CTNNA2: variants seen among roughly 807,000 people sequenced by gnomAD.
CTNNA2 encodes catenin alpha-2.
CTNNA2 carries 42 observed loss-of-function variants against 101.0 expected under a neutral mutation model. The observed-to-expected ratio is 0.42, with a 90% CI of 0.32 to 0.54. The LOEUF (loss-of-function observed/expected upper bound fraction) is 0.54. Ranked by LOEUF, CTNNA2 falls within the 20% of genes least tolerant of loss-of-function variation. The probability of loss-of-function intolerance (pLI) is 0.14; values close to 1 mark genes in which losing one functional copy is unlikely to be tolerated. For missense variants in CTNNA2, 871 were observed against 1,223.1 expected (o/e 0.71, Z 4.29); for synonymous variants, 450 against 456.4 (o/e 0.99, Z 0.18).
chr2:79,623,667 G>C (rs892258321), intron 1 of CTNNA2, among the ~76,000 whole-genome samples: 7 of 152,148 alleles, frequency 4.6e-5, no homozygotes, highest in African/African-American at 1.7e-4. Flanking sequence ...GTAATCTCAA[G>C]TAATTGATGT....
At chr2:79,743,341 A>ATAGCCTTT (rs1289596320) in intron 2 of CTNNA2, among the ~76,000 whole-genome samples, 1 of 152,174 alleles carries the variant, frequency 6.6e-6, no homozygotes, top group Non-Finnish European at 1.5e-5. Context: ...TTTTTAGCAA[A>ATAGCCTTT]TTAAATACCT....
chr2:79,650,907 A>G (rs1227649650), intron 1 of CTNNA2, among the ~76,000 whole-genome samples: 2 of 151,146 alleles, frequency 1.3e-5, no homozygotes, highest in African/African-American at 2.4e-5. Flanking sequence ...TGTTCTTGCA[A>G]TAGTTTACTG....
At chr2:79,281,969 C>A (rs909144669) in intron 2 of CTNNA2, among the ~76,000 whole-genome samples, 11 of 152,092 alleles carry the variant, frequency 7.2e-5, no homozygotes, top group African/African-American at 2.7e-4. Context: ...TGTGGCTTTA[C>A]AAATTATAAT....
chr2:79,575,167 A>G (rs909789047), intron 1 of CTNNA2, among the ~76,000 whole-genome samples: 1 of 152,266 alleles, frequency 6.6e-6, no homozygotes, highest in East Asian at 1.9e-4. Flanking sequence ...GAATCCTATG[A>G]TGGAATGTAA....
intron 4 of CTNNA2, among the ~76,000 whole-genome samples, chr2:79,461,055 T>A (rs921096709): frequency 3.3e-5 from 5 of 152,156 alleles, no homozygotes; most frequent in Non-Finnish European, 7.4e-5. Flanking sequence ...TTGGCCAGGC[T>A]GGTCTCGAAC....
At chr2:79,820,563 A>G (rs1484062020) in intron 3 of CTNNA2, among the ~76,000 whole-genome samples, 1 of 152,240 alleles carries the variant, frequency 6.6e-6, no homozygotes, top group Non-Finnish European at 1.5e-5. Flanking sequence ...TCAAAGTGAC[A>G]TGTTTACTTC....
At chr2:79,683,817 A>G (rs1271661759) in intron 2 of CTNNA2, among the ~76,000 whole-genome samples, 1 of 152,230 alleles carries the variant, frequency 6.6e-6, no homozygotes, top group African/African-American at 2.4e-5. Flanking sequence ...AACCAAGTCT[A>G]TGGAGTGGTG....
intron 7 of CTNNA2, among the ~76,000 whole-genome samples, chr2:80,101,455 C>A (rs970293875): frequency 6.6e-6 from 1 of 152,126 alleles, no homozygotes; most frequent in African/African-American, 2.4e-5. Context: ...TGAGCTGATT[C>A]TTTTTTATTA....
intron 7 of CTNNA2, among the ~76,000 whole-genome samples, chr2:79,946,573 T>C (rs928353922): frequency 6.6e-6 from 1 of 152,182 alleles, no homozygotes; most frequent in Non-Finnish European, 1.5e-5. Flanking sequence ...AAATTTCAAT[T>C]AGCCAAATAA....
chr2:79,892,816 CCATAA>C (rs1684405175), intron 6 of CTNNA2, among the ~76,000 whole-genome samples: 1 of 152,188 alleles, frequency 6.6e-6, no homozygotes, highest in East Asian at 1.9e-4. Flanking sequence ...ACTGCAACAT[CCATAA>C]CATCTGGACT....
At chr2:80,449,138 G>A (rs1409091590) in intron 9 of CTNNA2, among the ~76,000 whole-genome samples, 1 of 152,088 alleles carries the variant, frequency 6.6e-6, no homozygotes, top group Non-Finnish European at 1.5e-5. Flanking sequence ...TAGGCCAGGT[G>A]CAGTGGTTTA....
At chr2:80,144,850 C>A (rs561217699) in intron 7 of CTNNA2, among the ~76,000 whole-genome samples, 1 of 152,160 alleles carries the variant, frequency 6.6e-6, no homozygotes, top group Non-Finnish European at 1.5e-5. Flanking sequence ...ACTCTCATCA[C>A]AACTGACGTT....
intron 7 of CTNNA2, among the ~76,000 whole-genome samples, chr2:79,947,018 C>G (rs1688540718): frequency 6.6e-6 from 1 of 152,160 alleles, no homozygotes; most frequent in African/African-American, 2.4e-5. Context: ...ACTAAAAATT[C>G]TGGTGTATTA....
chr2:79,256,205 T>C (rs1007373767), intron 2 of CTNNA2, among the ~76,000 whole-genome samples: 1 of 152,188 alleles, frequency 6.6e-6, no homozygotes, highest in African/African-American at 2.4e-5. Flanking sequence ...TCCAAATGTC[T>C]GGGAGCCAAA....
chr2:79,973,073 A>G (rs1390860777), intron 7 of CTNNA2, among the ~76,000 whole-genome samples: 1 of 152,168 alleles, frequency 6.6e-6, no homozygotes, highest in Non-Finnish European at 1.5e-5. Context: ...AAAAGAGAAA[A>G]AACAATCCGT....
At chr2:79,666,203 A>G (rs1441121831) in intron 2 of CTNNA2, among the ~76,000 whole-genome samples, 1 of 152,218 alleles carries the variant, frequency 6.6e-6, no homozygotes, top group East Asian at 1.9e-4. Flanking sequence ...CTTCTTTCCC[A>G]GAAAAAAACA....
At chr2:79,739,071 GTT>G (rs76673709) in intron 2 of CTNNA2, among the ~76,000 whole-genome samples, 5 of 133,760 alleles carry the variant, frequency 3.7e-5, no homozygotes, top group African/African-American at 1.4e-4. Flanking sequence ...GGACTTTGCT[GTT>G]TTTTTTTTTT....
At chr2:80,348,305 A>G (rs998099517) in intron 7 of CTNNA2, among the ~76,000 whole-genome samples, 6 of 152,280 alleles carry the variant, frequency 3.9e-5, no homozygotes, top group South Asian at 2.1e-4. Context: ...TTATATGGTT[A>G]TTCTAGACCA....
Position 80,199,233 on chromosome 2 carries a change from G to A in CTNNA2, c.1057-193978G>A, listed in dbSNP as rs111652551. Among the ~76,000 whole-genome samples the A allele has an allele frequency of 5.6e-3, 810 of 143,762 alleles. 7 individuals are homozygous for A. Among genetic ancestry groups the A allele is most frequent in the African/African-American group, 0.02 (775 of 38,248 alleles). 94.3% of individuals were successfully genotyped at this position (143,762 alleles called of 152,430 possible). ...AAAGAACTGCAGTACATAGTTGATA[G>A]GAACAGTGCTAAACTCTTTAATTTA... On this transcript the variant is annotated intron_variant, in intron 7 of 18. Transcript: ENST00000402739.
Sources: gnomAD v4.1 joint callset for allele counts (sites outside exome capture counted in the v4.1 genomes callset) on GRCh38, gnomAD v4.1.1 for gene constraint, MANE v1.5 for transcripts, NCBI Gene and HGNC (gene_info 2026-07-23, HGNC 2026-07-21) for gene names.